Variants in PXT1 observed in about 807,000 individuals in gnomAD.
PXT1 encodes peroxisomal testis enriched protein 1.
Under a neutral mutation model 11.0 loss-of-function variants are expected in PXT1, and 11 were observed. That is an observed-to-expected ratio of 1.00 (90% CI 0.63 to 1.66). The LOEUF is 1.66. Ranked by LOEUF, PXT1 falls within the 40% of genes most tolerant of loss-of-function variation. The pLI, the probability that PXT1 is intolerant of heterozygous loss-of-function variation, is 0.00. For missense variants in PXT1, 141 were observed against 155.5 expected, an observed-to-expected ratio of 0.91 and a Z score of 0.49; for synonymous variants, 43 against 51.4, an observed-to-expected ratio of 0.84 and a Z score of 0.70.
chr6:36,393,656 G>A (rs1774103160), intron 4 of PXT1, among the ~76,000 whole-genome samples: 1 of 151,506 alleles, frequency 6.6e-6, no homozygotes, highest in Non-Finnish European at 1.5e-5. Context: ...TTGCACCTGG[G>A]AGCAGAGGTT....
chr6:36,428,406 G>C (rs1412893479), intron 2 of PXT1, among the ~76,000 whole-genome samples: 1 of 57,602 alleles, frequency 1.7e-5, no homozygotes, highest in Non-Finnish European at 2.9e-5. Context: ...GATCGCGACA[G>C]AGCGAGACTG....
intron 3 of PXT1, among the ~76,000 whole-genome samples, chr6:36,412,208 C>T (rs1170512537): frequency 2.0e-5 from 3 of 150,204 alleles, no homozygotes; most frequent in Non-Finnish European, 3.0e-5. Context: ...AAAAATTAGC[C>T]AGGCGTGGTG....
chr6:36,442,422 C>T (rs564266337), intron 1 of PXT1, 113 bp downstream of exon 1: 1 of 152,272 alleles, frequency 6.6e-6, no homozygotes, highest in East Asian at 1.9e-4. Context: ...AGGACATGGA[C>T]CATATATAGA....
rs1333925668 is a variant in PXT1 at position 36,442,805 on chromosome 6, A to G, written c.-400T>C. ...TGCAACCTTTAATAATTGAGAGGGT[A>G]TGCGCAACTCAGAAAAGTGCGCCCG... is the stretch of plus-strand genomic sequence containing the variant. On this transcript the variant is annotated 5_prime_UTR_variant, in exon 1 of 5. Coordinates refer to ENST00000454782, the MANE Select transcript of PXT1 (RefSeq NM_152990.4). 6.6e-6 allele frequency: 1 copy of G among 152,258 alleles called. No homozygotes were observed. Among genetic ancestry groups the G allele is most frequent in the Non-Finnish European group, 1.5e-5 (1 of 68,056 alleles). 9.4% of individuals were successfully genotyped at this position (152,258 alleles called of 1,614,324 possible). A position where few individuals can be genotyped will look rare whatever the true frequency, so the allele number is the denominator to read the frequency against.
intron 3 of PXT1, among the ~76,000 whole-genome samples, chr6:36,410,144 GGAGAGAGAGA>G: frequency 7.1e-6 from 1 of 140,562 alleles, no homozygotes; most frequent in Admixed American, 7.2e-5. Flanking sequence ...AAGGAAGGAA[GGAGAGAGAGA>G]GAGAGAGAGA....
intron 4 of PXT1, among the ~76,000 whole-genome samples, chr6:36,397,267 A>G (rs1247858472): frequency 6.6e-6 from 1 of 152,164 alleles, no homozygotes; most frequent in Non-Finnish European, 1.5e-5. Flanking sequence ...ATTTATAGGG[A>G]AACAATAGTC....
At chr6:36,419,793 A>G (rs1440489930) in intron 3 of PXT1, among the ~76,000 whole-genome samples, 1 of 152,230 alleles carries the variant, frequency 6.6e-6, no homozygotes, top group Admixed American at 6.5e-5. Flanking sequence ...AACAGCAACA[A>G]TAATGCACAT....
At chr6:36,435,634 G>A (rs76320818) in intron 2 of PXT1, among the ~76,000 whole-genome samples, 2,086 of 152,142 alleles carry the variant, frequency 0.014, 44 homozygotes, top group African/African-American at 0.045. Flanking sequence ...TCTCCAGGAT[G>A]AAAAGGCCCA....
At chr6:36,409,716 C>T (rs1366609232) in intron 3 of PXT1, among the ~76,000 whole-genome samples, 1 of 151,638 alleles carries the variant, frequency 6.6e-6, no homozygotes, top group Non-Finnish European at 1.5e-5. Flanking sequence ...AGTCTCAGAT[C>T]TCGGGAGGCT....
At chr6:36,417,975 T>A (rs1774474623) in intron 3 of PXT1, among the ~76,000 whole-genome samples, 1 of 151,760 alleles carries the variant, frequency 6.6e-6, no homozygotes, top group Admixed American at 6.6e-5. Context: ...GGCGGGCGGA[T>A]CACAAGGTCA....
chr6:36,436,240 G>A (rs1180859646), intron 2 of PXT1, among the ~76,000 whole-genome samples: 2 of 151,888 alleles, frequency 1.3e-5, no homozygotes, highest in Admixed American at 6.6e-5. Flanking sequence ...AAAAAAGTGA[G>A]AAACTCTTTA....
At chr6:36,402,788 G>T (rs1243409917) in intron 3 of PXT1, among the ~76,000 whole-genome samples, 1 of 152,188 alleles carries the variant, frequency 6.6e-6, no homozygotes, top group Non-Finnish European at 1.5e-5. Flanking sequence ...GACACAAGAA[G>T]AGGCTTGAAC....
intron 2 of PXT1, among the ~76,000 whole-genome samples, chr6:36,432,339 C>T (rs543506199): frequency 6.6e-6 from 1 of 152,068 alleles, no homozygotes; most frequent in East Asian, 1.9e-4. Context: ...AAAAACAGAA[C>T]TTTCAATTCA....
chr6:36,395,728 G>A (rs974070969), intron 4 of PXT1, among the ~76,000 whole-genome samples: 1 of 151,982 alleles, frequency 6.6e-6, no homozygotes, highest in Non-Finnish European at 1.5e-5. Flanking sequence ...GGCTGAGCGC[G>A]GTGGCTCACG....
At chr6:36,416,711 G>A (rs1360020440) in intron 3 of PXT1, among the ~76,000 whole-genome samples, 1 of 152,154 alleles carries the variant, frequency 6.6e-6, no homozygotes, top group Non-Finnish European at 1.5e-5. Context: ...TTATATAAAT[G>A]TCAGCTACTA....
intron 3 of PXT1, among the ~76,000 whole-genome samples, chr6:36,420,184 T>A (rs1488200903): frequency 6.6e-6 from 1 of 152,208 alleles, no homozygotes; most frequent in East Asian, 1.9e-4. Flanking sequence ...ATGTTATCTA[T>A]CTATCTATCA....
At chr6:36,433,029 G>A (rs1774714895) in intron 2 of PXT1, among the ~76,000 whole-genome samples, 1 of 151,856 alleles carries the variant, frequency 6.6e-6, no homozygotes, top group African/African-American at 2.4e-5. Context: ...TAAGACTCAA[G>A]CATATACTTA....
At chr6:36,410,394 G>A (rs764345570) in intron 3 of PXT1, among the ~76,000 whole-genome samples, 18 of 151,336 alleles carry the variant, frequency 1.2e-4, no homozygotes, top group Admixed American at 4.0e-4. Context: ...AGGTTGCAGT[G>A]AGCCGAGATA....
chr6:36,439,926 C>G (rs765686146), intron 1 of PXT1, among the ~76,000 whole-genome samples: 1 of 152,156 alleles, frequency 6.6e-6, no homozygotes, highest in Non-Finnish European at 1.5e-5. Context: ...TATAGTGAGA[C>G]TTCCTCTCTA....
Sources: allele counts gnomAD v4.1 joint callset (sites outside exome capture counted in the v4.1 genomes callset), GRCh38; gene constraint gnomAD v4.1.1; transcripts MANE v1.5; gene names NCBI Gene and HGNC (gene_info 2026-07-23, HGNC 2026-07-21).